FDFT1: variants seen among roughly 807,000 people sequenced by gnomAD.
FDFT1 encodes farnesyl-diphosphate farnesyltransferase 1, also known as squalene synthase.
A neutral mutation model predicts 46.8 loss-of-function variants in FDFT1; 68 were observed. The observed-to-expected ratio is 1.45, with a 90% CI of 1.19 to 1.78. The LOEUF is 1.78. FDFT1 is among the 40% of genes most tolerant of loss of function. The pLI is 0.00. For synonymous variants in FDFT1, 351 were observed against 185.1 expected (o/e 1.90, Z -7.28); for missense variants, 928 against 524.4 (o/e 1.77, Z -7.52).
chr8:11,815,660 A>G (rs1808343944), intron 3 of FDFT1, among the ~76,000 whole-genome samples: 1 of 152,208 alleles, frequency 6.6e-6, no homozygotes, highest in Non-Finnish European at 1.5e-5. Flanking sequence ...TTGGCTGCAT[A>G]AATGTCTTCC....
chr8:11,819,141 G>C (rs574381801), intron 3 of FDFT1, among the ~76,000 whole-genome samples: 3 of 152,078 alleles, frequency 2.0e-5, no homozygotes, highest in African/African-American at 7.2e-5. Flanking sequence ...TGAGATTCTG[G>C]GTTGAAAATT....
chr8:11,830,432 G>C lies in FDFT1; in HGVS notation c.879+12G>C, dbSNP rs774313830. On this transcript the variant is annotated intron_variant, in intron 6 of 7. Coordinates refer to ENST00000220584, the MANE Select transcript of FDFT1 (RefSeq NM_004462.5). ...GTGCTATTCCACAGGTAGGGAAGGG[G>C]GCTCCTCTGGGTGGATACGGGGCTA... 4 of 1,599,704 alleles carry C rather than the reference G, an allele frequency of 2.5e-6. No individual in the cohort carries two copies. In the South Asian group the frequency reaches 4.4e-5, roughly 18 times the overall value.
chr8:11,831,356 T>C (rs1052082367), intron 6 of FDFT1, among the ~76,000 whole-genome samples, 162 bp from the exon 7 acceptor site: 1 of 152,256 alleles, frequency 6.6e-6, no homozygotes. Context: ...GGTAAAAATC[T>C]TGACATACTT....
chr8:11,799,748 C>T (rs1805913834), upstream of FDFT1, among the ~76,000 whole-genome samples: 1 of 151,548 alleles, frequency 6.6e-6, no homozygotes. Flanking sequence ...GAGATTGAGA[C>T]CATCCTAACC....
At chr8:11,805,406 C>T (rs1806706121) in intron 1 of FDFT1, among the ~76,000 whole-genome samples, 1 of 152,294 alleles carries the variant, frequency 6.6e-6, no homozygotes, top group Non-Finnish European at 1.5e-5. Context: ...CACCCAAAAG[C>T]CGAGAGTAAT....
chr8:11,822,619 G>A (rs1809420169), intron 4 of FDFT1, among the ~76,000 whole-genome samples: 2 of 152,074 alleles, frequency 1.3e-5, no homozygotes, highest in South Asian at 4.1e-4. Context: ...TTAGACACAA[G>A]CCTAAGCAAC....
At chr8:11,810,572 A>G (rs372708647) in intron 3 of FDFT1, among the ~76,000 whole-genome samples, 1 of 152,246 alleles carries the variant, frequency 6.6e-6, no homozygotes, top group African/African-American at 2.4e-5. Flanking sequence ...AGTATTAGCT[A>G]TTTGGTCTAT....
intron 3 of FDFT1, among the ~76,000 whole-genome samples, chr8:11,818,011 T>A (rs1426267566): frequency 6.6e-6 from 1 of 152,226 alleles, no homozygotes; most frequent in African/African-American, 2.4e-5. Context: ...GCTATAAATT[T>A]CCCTCTACAC....
intron 3 of FDFT1, among the ~76,000 whole-genome samples, chr8:11,811,180 T>A (rs890879329): frequency 6.6e-6 from 1 of 152,196 alleles, no homozygotes; most frequent in African/African-American, 2.4e-5. Flanking sequence ...GTCCTGGTGA[T>A]TTGACTCTCA....
chr8:11,821,682 C>T (rs1431793691), intron 3 of FDFT1, 68 bp from the exon 4 acceptor site: 2 of 1,559,214 alleles, frequency 1.3e-6, no homozygotes, highest in African/African-American at 2.7e-5. Context: ...CATTGTTTGC[C>T]TTGTGATCTT....
rs977619012 is a variant in FDFT1, at chr8:11,809,577, G to A, written c.198-90G>A. 5.8e-6 allele frequency: 8 copies of A among 1,387,280 alleles called. No homozygotes were observed. In the South Asian group the frequency reaches 1.0e-4, roughly 18 times the overall value. The allele number at this position is 1,387,280 out of a possible 1,614,324, so 85.9% of individuals were successfully genotyped here. A position where few individuals can be genotyped will look rare whatever the true frequency, so the allele number is the denominator to read the frequency against. ...TTCTTTAGAGTTAAGGGTGAGATGG[G>A]TTTAGAAAGTGGCCAGGCACAAGTT... On this transcript the variant is annotated intron_variant, in intron 2 of 7. Transcript: ENST00000220584.
intron 3 of FDFT1, among the ~76,000 whole-genome samples, chr8:11,813,602 A>T (rs1473582609): frequency 2.0e-5 from 3 of 152,226 alleles, no homozygotes; most frequent in Non-Finnish European, 4.4e-5. Flanking sequence ...AGTCACTCGC[A>T]TACTTTACTA....
chr8:11,826,148 A>T lies in FDFT1; in HGVS notation c.635A>T (p.Gln212Leu). The change falls in exon 5 of 8, where the codon CAG (glutamine) becomes CTG (leucine). Residue 212 changes from glutamine (Q) to leucine (L), a missense_variant. Transcript: ENST00000220584. Reference protein sequence around the residue: ...ERANSMGLFLQKTNIIRDYLE... With the variant: ...ERANSMGLFLLKTNIIRDYLE... ...GCCAACTCTATGGGCCTGTTTTTGC[A>T]GAAAACAAACATCATCCGTGACTAT... 6.2e-7 allele frequency: 1 copy of T among 1,605,662 alleles called. No individual in the cohort carries two copies. Among genetic ancestry groups the T allele is most frequent in the Non-Finnish European group, 8.5e-7 (1 of 1,173,456 alleles).
intron 6 of FDFT1, among the ~76,000 whole-genome samples, chr8:11,830,950 C>G (rs1810690913): frequency 1.3e-5 from 2 of 152,142 alleles, no homozygotes; most frequent in African/African-American, 4.8e-5. Context: ...GATTTGGGAA[C>G]TTGGTTTGAT....
intron 1 of FDFT1, 32 bp downstream of exon 1, chr8:11,802,963 G>C (rs940326910): frequency 6.4e-7 from 1 of 1,572,250 alleles, no homozygotes; most frequent in Non-Finnish European, 8.6e-7. Flanking sequence ...GCCCGGGGCG[G>C]GGAAGGAGCT....
intron 4 of FDFT1, among the ~76,000 whole-genome samples, chr8:11,823,101 A>C (rs1186683665): frequency 2.0e-5 from 3 of 152,182 alleles, no homozygotes; most frequent in South Asian, 2.1e-4. Flanking sequence ...ACTACAGTGC[A>C]TGACACCATA....
At chr8:11,819,748 A>T (rs892126137) in intron 3 of FDFT1, among the ~76,000 whole-genome samples, 4 of 151,996 alleles carry the variant, frequency 2.6e-5, no homozygotes, top group African/African-American at 9.7e-5. Context: ...CATTTGTCCA[A>T]CCTTTTCTCA....
intron 5 of FDFT1, among the ~76,000 whole-genome samples, chr8:11,827,117 TTC>T (rs1352064589): frequency 6.6e-6 from 1 of 152,208 alleles, no homozygotes; most frequent in Non-Finnish European, 1.5e-5. Flanking sequence ...CCTGAATTTA[TTC>T]CAGCATTTAC....
intron 3 of FDFT1, among the ~76,000 whole-genome samples, chr8:11,816,520 T>A (rs1433733477): frequency 6.6e-6 from 1 of 152,218 alleles, no homozygotes; most frequent in Non-Finnish European, 1.5e-5. Context: ...TTCTTCCATT[T>A]GTTTATGGCC....
Sources: allele counts gnomAD v4.1 joint callset (sites outside exome capture counted in the v4.1 genomes callset), GRCh38; gene constraint gnomAD v4.1.1; transcripts MANE v1.5; gene names NCBI Gene and HGNC (gene_info 2026-07-23, HGNC 2026-07-21).